The following TASP1 variants were observed in gnomAD, a reference collection of about 807,000 sequenced individuals.
TASP1 encodes threonine aspartase 1.
In TASP1, 16 loss-of-function variants were observed where a neutral mutation model predicts 56.6. The observed-to-expected ratio is 0.28, with a 90% CI of 0.19 to 0.43. The LOEUF (loss-of-function observed/expected upper bound fraction) is 0.43. Among genes scored for constraint, TASP1 ranks in the 20% least tolerant of loss-of-function variants. The pLI is 1.00. For synonymous variants in TASP1, 179 were observed against 184.2 expected (o/e 0.97, Z 0.23); for missense variants, 393 against 511.6 (o/e 0.77, Z 2.24).
At chr20:13,403,047 C>A (rs6109857) in intron 13 of TASP1, among the ~76,000 whole-genome samples, 2,545 of 152,252 alleles carry the variant, frequency 0.017, 71 homozygotes, top group African/African-American at 0.056. Context: ...AAGTGGTAGA[C>A]CTCTATCAGA....
the TASP1 span, among the ~76,000 whole-genome samples, chr20:13,151,924 A>T: frequency 2.6e-5 from 4 of 152,064 alleles, no homozygotes; most frequent in South Asian, 8.3e-4. Flanking sequence ...ACCTTACCTA[A>T]CCGCTCACAA....
chr20:13,127,676 C>A, the TASP1 span, among the ~76,000 whole-genome samples: 3 of 152,256 alleles, frequency 2.0e-5, no homozygotes, highest in East Asian at 3.8e-4. Flanking sequence ...CATACTGATA[C>A]CCCCTGGGGC....
intron 9 of TASP1, among the ~76,000 whole-genome samples, chr20:13,529,366 C>T (rs2045120895): frequency 6.6e-6 from 1 of 152,184 alleles, no homozygotes; most frequent in African/African-American, 2.4e-5. Flanking sequence ...AACTCTTCCA[C>T]TCCATAGTAA....
intron 12 of TASP1, among the ~76,000 whole-genome samples, 173 bp from the exon 13 acceptor site, chr20:13,417,694 C>T (rs2042303743): frequency 6.6e-6 from 1 of 152,142 alleles, no homozygotes; most frequent in Non-Finnish European, 1.5e-5. Flanking sequence ...TGTGTAATGC[C>T]ATTTACTGTG....
the TASP1 span, among the ~76,000 whole-genome samples, chr20:13,357,833 T>A: frequency 6.6e-6 from 1 of 152,122 alleles, no homozygotes; most frequent in African/African-American, 2.4e-5. Context: ...TGCAACAACA[T>A]GGATGCATCT....
At chr20:13,628,064 A>G (rs530263173) in intron 2 of TASP1, among the ~76,000 whole-genome samples, 14 of 152,344 alleles carry the variant, frequency 9.2e-5, no homozygotes, top group Non-Finnish European at 2.1e-4. Context: ...ACTTTGGAAC[A>G]CAGACCCCAT....
At chr20:13,548,701 T>C (rs2045886521) in intron 8 of TASP1, among the ~76,000 whole-genome samples, 1 of 152,138 alleles carries the variant, frequency 6.6e-6, no homozygotes, top group Admixed American at 6.6e-5. Flanking sequence ...AAATGAGTGA[T>C]GCTGGACATG....
At chr20:13,172,635 C>G in the TASP1 span, among the ~76,000 whole-genome samples, 1 of 152,126 alleles carries the variant, frequency 6.6e-6, no homozygotes, top group Non-Finnish European at 1.5e-5. Flanking sequence ...CAACAAAGCA[C>G]TGCCTTCAGA....
the TASP1 span, among the ~76,000 whole-genome samples, chr20:13,227,176 T>G: frequency 6.6e-6 from 1 of 152,192 alleles, no homozygotes; most frequent in South Asian, 2.1e-4. Flanking sequence ...TTTCAAACTT[T>G]TTTTGACTTT....
the TASP1 span, among the ~76,000 whole-genome samples, chr20:13,252,674 G>C: frequency 6.6e-6 from 1 of 152,228 alleles, no homozygotes; most frequent in East Asian, 1.9e-4. Context: ...AGAATCGCTT[G>C]AACACGGGAG....
At chr20:13,192,058 G>A in the TASP1 span, among the ~76,000 whole-genome samples, 4 of 152,140 alleles carry the variant, frequency 2.6e-5, no homozygotes, top group Non-Finnish European at 4.4e-5. Context: ...TGTCTGAAGT[G>A]TTGAAAGAAA....
At chr20:13,318,505 T>C in the TASP1 span, among the ~76,000 whole-genome samples, 2 of 152,312 alleles carry the variant, frequency 1.3e-5, no homozygotes, top group East Asian at 3.9e-4. Flanking sequence ...TGAAAAATTG[T>C]GTCCACACAA....
rs149377340 is a variant in TASP1, at chr20:13,442,664, C to A, written c.986-7510G>T. ...CTTTAAAAACAAACAAACAAACAAA[C>A]AAAAAAACAGAGACAGAGAGAGAAT... On this transcript the variant is annotated intron_variant, in intron 11 of 13. Coordinates refer to ENST00000337743, the MANE Select transcript of TASP1 (RefSeq NM_017714.3). 2.0e-4 allele frequency among the ~76,000 whole-genome samples: 28 copies of A among 142,088 alleles called. No individual in the cohort carries two copies. In the East Asian group the frequency reaches 2.7e-3, roughly 14 times the overall value. 93.2% of individuals were successfully genotyped at this position (142,088 alleles called of 152,430 possible). A position where few individuals can be genotyped will look rare whatever the true frequency, so the allele number is the denominator to read the frequency against.
At chr20:13,401,100 C>CA (rs993379333) in intron 13 of TASP1, among the ~76,000 whole-genome samples, 1 of 152,204 alleles carries the variant, frequency 6.6e-6, no homozygotes, top group African/African-American at 2.4e-5. Context: ...TGGCTCTAAC[C>CA]AATCACTGCC....
the TASP1 span, among the ~76,000 whole-genome samples, chr20:13,140,930 C>A: frequency 1.3e-5 from 2 of 152,090 alleles, no homozygotes; most frequent in African/African-American, 2.4e-5. Context: ...GAGGTACTGA[C>A]CCTGCCTCTA....
At chr20:13,194,943 TAG>T in the TASP1 span, among the ~76,000 whole-genome samples, 1 of 151,952 alleles carries the variant, frequency 6.6e-6, no homozygotes, top group Non-Finnish European at 1.5e-5. Context: ...CATAGCTACA[TAG>T]AGAGAGGGGG....
At chr20:13,532,986 G>A (rs1260428186) in intron 9 of TASP1, among the ~76,000 whole-genome samples, 1 of 152,114 alleles carries the variant, frequency 6.6e-6, no homozygotes, top group African/African-American at 2.4e-5. Context: ...TGCACACTAG[G>A]CAGAGTAGCA....
the TASP1 span, among the ~76,000 whole-genome samples, chr20:13,126,939 G>A: frequency 2.6e-5 from 4 of 152,306 alleles, no homozygotes; most frequent in Admixed American, 1.3e-4. Flanking sequence ...AGCAAATTTC[G>A]ATAATTTTGT....
rs549407547 is a variant in TASP1 at position 13,575,098 on chromosome 20, T to A, written c.489-5512A>T. ...TATTAGCAAACTGAAGCCAACAATA[T>A]ATAAAAAGGATAATATATTATGACC... is the stretch of plus-strand genomic sequence containing the variant. On this transcript the variant is annotated intron_variant, in intron 6 of 13. Coordinates refer to ENST00000337743, the MANE Select transcript of TASP1 (RefSeq NM_017714.3). Among the ~76,000 whole-genome samples, 4 of 152,174 alleles carry A rather than the reference T, an allele frequency of 2.6e-5. No homozygotes were observed. The East Asian group carries it at 7.7e-4, about 29-fold the overall frequency.
Sources: allele counts gnomAD v4.1 joint callset (sites outside exome capture counted in the v4.1 genomes callset), GRCh38; gene constraint gnomAD v4.1.1; transcripts MANE v1.5; gene names NCBI Gene and HGNC (gene_info 2026-07-23, HGNC 2026-07-21).